NAF1: variants seen among roughly 807,000 people sequenced by gnomAD.
The protein encoded by NAF1 is H/ACA ribonucleoprotein complex non-core subunit NAF1.
Under a neutral mutation model 40.6 loss-of-function variants are expected in NAF1, and 11 were observed. That is an observed-to-expected ratio of 0.27 (90% CI 0.17 to 0.45). The LOEUF is 0.45. NAF1 is among the 20% of genes least tolerant of loss of function. The pLI, the probability that NAF1 is intolerant of heterozygous loss-of-function variation, is 1.00. For missense variants in NAF1, 607 were observed against 611.1 expected, an observed-to-expected ratio of 0.99 and a Z score of 0.07; for synonymous variants, 260 against 228.5, an observed-to-expected ratio of 1.14 and a Z score of -1.24.
chr4:163,111,492 G>A (rs1287793398), intron 2 of NAF1, among the ~76,000 whole-genome samples: 1 of 152,174 alleles, frequency 6.6e-6, no homozygotes, highest in East Asian at 1.9e-4. Flanking sequence ...CATAAACTGA[G>A]GGAGCAGAAA....
At chr4:163,105,651 T>C (rs1730038666), downstream of NAF1, among the ~76,000 whole-genome samples, 1 of 152,238 alleles carries the variant, frequency 6.6e-6, no homozygotes, top group Non-Finnish European at 1.5e-5. Context: ...CATTATATTA[T>C]AAGCAAAATT....
chr4:163,134,384 T>C (rs1449995204), intron 6 of NAF1, among the ~76,000 whole-genome samples: 2 of 152,190 alleles, frequency 1.3e-5, no homozygotes, highest in Non-Finnish European at 2.9e-5. Flanking sequence ...CAGGAATCCA[T>C]ACACTTCAGA....
chr4:163,123,058 G>T (rs1730559424), downstream of NAF1, among the ~76,000 whole-genome samples: 1 of 152,158 alleles, frequency 6.6e-6, no homozygotes, highest in Non-Finnish European at 1.5e-5. Flanking sequence ...AAGAAAAGAG[G>T]TTTATTTAGC....
In NAF1 at chr4:163,117,680, T is replaced by TACACACACACACACACACACAC. The variant is rs55869899; in HGVS notation, c.115-7412_115-7391dup. 3.3e-4 allele frequency among the ~76,000 whole-genome samples: 45 copies of TACACACACACACACACACACAC among 134,924 alleles called. 2 individuals are homozygous for TACACACACACACACACACACAC. Among genetic ancestry groups the TACACACACACACACACACACAC allele is most frequent in the African/African-American group, 1.1e-3 (39 of 34,738 alleles). 88.5% of individuals were successfully genotyped at this position (134,924 alleles called of 152,430 possible). The stretch of plus-strand genomic sequence containing the variant: ...TTATTTTTAAACTCCCTGGAAGCAA[T>TACACACACACACACACACACAC]ACACACACACACACACACACACACA... On this transcript the variant is annotated intron_variant, in intron 2 of 2. Transcript: ENST00000509434.
intron 2 of NAF1, among the ~76,000 whole-genome samples, chr4:163,152,539 A>G (rs999926268): frequency 6.6e-6 from 1 of 152,236 alleles, no homozygotes; most frequent in Non-Finnish European, 1.5e-5. Flanking sequence ...GGAAGAATGA[A>G]AAGTTTTGCC....
chr4:163,124,798 G>A (rs945364551), downstream of NAF1, among the ~76,000 whole-genome samples: 6 of 152,128 alleles, frequency 3.9e-5, no homozygotes, highest in Non-Finnish European at 8.8e-5. Flanking sequence ...AATACTACAG[G>A]CATACACTGT....
intron 7 of NAF1, among the ~76,000 whole-genome samples, chr4:163,132,523 T>C (rs1730910332): frequency 6.6e-6 from 1 of 152,140 alleles, no homozygotes; most frequent in African/African-American, 2.4e-5. Flanking sequence ...TGACAAAATA[T>C]ATGAAAATGG....
chr4:163,126,757 A>T (rs1397655675), downstream of NAF1: 1 of 354,990 alleles, frequency 2.8e-6, no homozygotes, highest in African/African-American at 2.1e-5. Flanking sequence ...GGTGAAAGGA[A>T]GAGCCAATTA....
At chr4:163,158,227 G>C (rs1303060912) in intron 2 of NAF1, 4 of 152,054 alleles carry the variant, frequency 2.6e-5, no homozygotes, top group Admixed American at 6.5e-5. Flanking sequence ...CCAATTACCT[G>C]ATGCTATTAG....
intron 4 of NAF1, among the ~76,000 whole-genome samples, chr4:163,141,144 C>G (rs919782928): frequency 6.6e-6 from 1 of 152,110 alleles, no homozygotes; most frequent in Non-Finnish European, 1.5e-5. Flanking sequence ...GCGGGCGGAT[C>G]ACCTGAGGTC....
chr4:163,110,274 C>T (rs1466319698), exon 3 of NAF1: 2 of 701,284 alleles, frequency 2.9e-6, no homozygotes, highest in Admixed American at 4.0e-5. Context: ...TTTCAGTTAC[C>T]TTCAGTCAAC....
At chr4:163,152,119 G>C (rs1207638189) in intron 2 of NAF1, among the ~76,000 whole-genome samples, 2 of 152,074 alleles carry the variant, frequency 1.3e-5, no homozygotes, top group Non-Finnish European at 2.9e-5. Context: ...TGAAACAATT[G>C]TGATGACAGT....
Position 163,166,421 on chromosome 4 carries a change from C to G in NAF1, c.307G>C (p.Glu103Gln). 6.2e-7 allele frequency: 1 copy of G among 1,608,126 alleles called. No homozygotes were observed. The highest frequency in any genetic ancestry group is 8.5e-7 in the Non-Finnish European group (1 of 1,176,960). Reference protein sequence around the residue: ...GDCVTSPGAAEPARAPDSLET... With the variant: ...GDCVTSPGAAQPARAPDSLET... ...AAGGAGTCCGGCGCCCGCGCAGGCT[C>G]TGCGGCTCCTGGGGAGGTGACGCAG... The change falls in exon 1 of 8, where the codon GAG (glutamate) becomes CAG (glutamine). Residue 103 changes from glutamate to glutamine, a missense_variant. Transcript: ENST00000274054.
chr4:163,140,495 T>C, intron 4 of NAF1, 112 bp from the exon 5 acceptor site: 1 of 902,814 alleles, frequency 1.1e-6, no homozygotes, highest in South Asian at 1.5e-5. Context: ...GGTAATTTTG[T>C]CAGTGTTAGG....
intron 5 of NAF1, 145 bp downstream of exon 5, chr4:163,140,078 T>C (rs1040057347): frequency 3.4e-6 from 2 of 589,582 alleles, no homozygotes; most frequent in South Asian, 3.5e-5. Context: ...AAATAAATTG[T>C]AGGCTTCAAA....
downstream of NAF1, chr4:163,126,758 G>A (rs79196554): frequency 3.2e-3 from 1,131 of 358,174 alleles, 18 homozygotes; most frequent in East Asian, 0.036. Context: ...GTGAAAGGAA[G>A]AGCCAATTAA....
At chr4:163,150,130 A>C (rs1464836124) in intron 2 of NAF1, among the ~76,000 whole-genome samples, 1 of 152,190 alleles carries the variant, frequency 6.6e-6, no homozygotes, top group African/African-American at 2.4e-5. Flanking sequence ...TTTAACCAGC[A>C]GGAAAGGCCC....
chr4:163,110,807 GTAGT>G (rs1179546014), intron 2 of NAF1, among the ~76,000 whole-genome samples: 6 of 152,020 alleles, frequency 3.9e-5, no homozygotes, highest in Admixed American at 2.6e-4. Flanking sequence ...ACTTTGTAGC[GTAGT>G]TATTTACATA....
chr4:163,133,400 T>C (rs1730944618), intron 6 of NAF1, 144 bp from the exon 7 acceptor site: 1 of 581,110 alleles, frequency 1.7e-6, no homozygotes, highest in South Asian at 2.5e-5. Context: ...ATTTTCTATA[T>C]CTGAATTAGA....
Sources: gnomAD v4.1 joint callset for allele counts (sites outside exome capture counted in the v4.1 genomes callset) on GRCh38, gnomAD v4.1.1 for gene constraint, MANE v1.5 for transcripts, NCBI Gene and HGNC (gene_info 2026-07-23, HGNC 2026-07-21) for gene names.